The following CRADD variants were observed in gnomAD, a reference collection of about 807,000 sequenced individuals.
The protein encoded by CRADD is death domain-containing protein CRADD.
CRADD carries 9 observed loss-of-function variants against 15.5 expected under a neutral mutation model. The observed-to-expected ratio is 0.58, with a 90% CI of 0.35 to 1.01. The LOEUF is 1.01. CRADD is among the 50% of genes least tolerant of loss of function. The pLI is 0.02. For synonymous variants in CRADD, 118 were observed against 107.6 expected (o/e 1.10, Z -0.60); for missense variants, 227 against 250.3 (o/e 0.91, Z 0.63).
At chr12:93,774,224 A>G (rs1957118231) in intron 2 of CRADD, among the ~76,000 whole-genome samples, 2 of 152,210 alleles carry the variant, frequency 1.3e-5, no homozygotes, top group South Asian at 4.1e-4. Context: ...GTCCATCACT[A>G]TGTAGTTCAC....
At chr12:93,709,227 G>C (rs1324810427) in intron 2 of CRADD, 4 of 152,194 alleles carry the variant, frequency 2.6e-5, no homozygotes, top group Admixed American at 2.6e-4. Flanking sequence ...TTGTAATAGG[G>C]CTTGCACAGG....
chr12:93,682,231 T>C (rs1955327277), intron 2 of CRADD, among the ~76,000 whole-genome samples: 1 of 152,216 alleles, frequency 6.6e-6, no homozygotes, highest in Non-Finnish European at 1.5e-5. Context: ...TGAGTAATTT[T>C]AGTAAGATTT....
intron 2 of CRADD, among the ~76,000 whole-genome samples, chr12:93,680,996 TGCCTCA>T (rs999546954): frequency 7.2e-5 from 11 of 152,286 alleles, no homozygotes; most frequent in African/African-American, 2.6e-4. Flanking sequence ...GCAATTCTTC[TGCCTCA>T]GCCTCCCGAG....
At chr12:93,706,239 C>T (rs61928989) in intron 2 of CRADD, among the ~76,000 whole-genome samples, 5,705 of 152,282 alleles carry the variant, frequency 0.037, 168 homozygotes, top group South Asian at 0.066. Context: ...TTACCATTTT[C>T]ACATTGCCAT....
rs189884322 is a variant in CRADD, at chr12:93,733,998, A to G, written c.298+54926A>G. Among the ~76,000 whole-genome samples the G allele has an allele frequency of 3.8e-4, 58 of 152,168 alleles. 1 individual carries two copies. Among genetic ancestry groups the G allele is most frequent in the Admixed American group, 6.5e-4 (10 of 15,288 alleles). On this transcript the variant is annotated intron_variant, in intron 2 of 2. Coordinates refer to ENST00000332896, the MANE Select transcript of CRADD (RefSeq NM_003805.5). The stretch of plus-strand genomic sequence containing the variant: ...GCCATCTGTCTACCTCAGCCTCCCA[A>G]GGTGCTCGGATTACAGGCGTGAGCC...
chr12:93,748,459 C>A (rs1407830955), intron 2 of CRADD, among the ~76,000 whole-genome samples: 1 of 152,214 alleles, frequency 6.6e-6, no homozygotes, highest in Admixed American at 6.5e-5. Context: ...AGGCATGCAC[C>A]ACCACACCAG....
chr12:93,853,139 T>A (rs1958242250), downstream of CRADD, among the ~76,000 whole-genome samples: 1 of 152,216 alleles, frequency 6.6e-6, no homozygotes, highest in Non-Finnish European at 1.5e-5. Context: ...TTCCAACTGA[T>A]AATACACTTA....
At chr12:93,868,866 T>G (rs1958393927) in intron 2 of CRADD, among the ~76,000 whole-genome samples, 1 of 152,066 alleles carries the variant, frequency 6.6e-6, no homozygotes, top group Non-Finnish European at 1.5e-5. Flanking sequence ...CAACTGGAAA[T>G]TGAAGTGGGT....
At chr12:93,733,251 C>T (rs935500992) in intron 2 of CRADD, among the ~76,000 whole-genome samples, 1 of 152,076 alleles carries the variant, frequency 6.6e-6, no homozygotes, top group Non-Finnish European at 1.5e-5. Flanking sequence ...ATTGGGTACA[C>T]ATAGCTAAGA....
At chr12:93,885,338 TACAA>T (rs1238602345) in intron 2 of CRADD, among the ~76,000 whole-genome samples, 4 of 152,176 alleles carry the variant, frequency 2.6e-5, no homozygotes, top group Non-Finnish European at 5.9e-5. Flanking sequence ...CTTAAAGAAA[TACAA>T]ACACAGGAGG....
intron 2 of CRADD, among the ~76,000 whole-genome samples, chr12:93,712,657 T>C (rs938897282): frequency 1.3e-5 from 2 of 152,214 alleles, no homozygotes; most frequent in African/African-American, 4.8e-5. Context: ...TTTTTATTTT[T>C]ATGGAATTTT....
At chr12:93,688,427 C>G (rs1955486641) in intron 2 of CRADD, among the ~76,000 whole-genome samples, 1 of 150,228 alleles carries the variant, frequency 6.7e-6, no homozygotes, top group African/African-American at 2.5e-5. Flanking sequence ...CACTTGAACC[C>G]AGGAGGCAGA....
At chr12:93,878,305 G>C (rs375450380) in intron 2 of CRADD, among the ~76,000 whole-genome samples, 1 of 152,154 alleles carries the variant, frequency 6.6e-6, no homozygotes, top group African/African-American at 2.4e-5. Context: ...TGGAATGAAG[G>C]CCTCAGGACC....
intron 2 of CRADD, among the ~76,000 whole-genome samples, chr12:93,724,406 C>T (rs571200501): frequency 1.3e-5 from 2 of 151,880 alleles, no homozygotes; most frequent in East Asian, 1.9e-4. Flanking sequence ...ATTTCTGCTC[C>T]AGTATGTTGT....
At chr12:93,693,666 C>T (rs983710139) in intron 2 of CRADD, among the ~76,000 whole-genome samples, 1 of 152,042 alleles carries the variant, frequency 6.6e-6, no homozygotes, top group Admixed American at 6.5e-5. Context: ...TAATACCCCA[C>T]TTTCAGTAAT....
At chr12:93,739,025 TAGAG>T (rs916710333) in intron 2 of CRADD, among the ~76,000 whole-genome samples, 9 of 152,184 alleles carry the variant, frequency 5.9e-5, no homozygotes, top group African/African-American at 1.9e-4. Context: ...AGTTTGGGAA[TAGAG>T]AGTTTTATTT....
chr12:93,874,884 G>T (rs369994944), intron 2 of CRADD, among the ~76,000 whole-genome samples: 4 of 151,970 alleles, frequency 2.6e-5, no homozygotes, highest in African/African-American at 7.2e-5. Flanking sequence ...GAAAAAAAAC[G>T]TGTATTCTGT....
chr12:93,738,585 C>T (rs773080126), intron 2 of CRADD: 4 of 647,160 alleles, frequency 6.2e-6, no homozygotes, highest in Non-Finnish European at 1.1e-5. Flanking sequence ...CACCGCCACC[C>T]CCTGCACCAC....
At chr12:93,830,122 G>A (rs1292228593) in intron 2 of CRADD, among the ~76,000 whole-genome samples, 3 of 152,154 alleles carry the variant, frequency 2.0e-5, no homozygotes, top group East Asian at 1.9e-4. Context: ...GAGCTCAGGC[G>A]TGGCAGAGAG....
Sources: gnomAD v4.1 joint callset for allele counts (sites outside exome capture counted in the v4.1 genomes callset) on GRCh38, gnomAD v4.1.1 for gene constraint, MANE v1.5 for transcripts, NCBI Gene and HGNC (gene_info 2026-07-23, HGNC 2026-07-21) for gene names.